Variants in SNED1 observed in about 807,000 individuals in gnomAD.
SNED1 encodes the protein sushi, nidogen and EGF like domains 1, also known as sushi, nidogen and EGF-like domain-containing protein 1.
SNED1 carries 81 observed loss-of-function variants against 166.7 expected under a neutral mutation model. The observed-to-expected ratio is 0.49, with a 90% CI of 0.41 to 0.58. The LOEUF is 0.58. Among genes scored for constraint, SNED1 ranks in the 20% least tolerant of loss-of-function variants. The pLI is 0.00. For missense variants in SNED1, 1,604 were observed against 2,000.2 expected, an observed-to-expected ratio of 0.80 and a Z score of 3.78; for synonymous variants, 762 against 822.0, an observed-to-expected ratio of 0.93 and a Z score of 1.25.
chr2:240,999,135 G>GGGCCCGGACT lies in SNED1; in HGVS notation c.213+85_213+86insGGCCCGGACT. The GGGCCCGGACT allele has an allele frequency of 1.3e-6, 1 of 793,840 alleles. No homozygotes were observed. The highest frequency in any genetic ancestry group is 1.7e-6 in the Non-Finnish European group (1 of 600,180). 49.2% of individuals were successfully genotyped at this position (793,840 alleles called of 1,614,324 possible). On this transcript the variant is annotated intron_variant, in intron 1 of 31. Coordinates refer to ENST00000310397, the MANE Select transcript of SNED1 (RefSeq NM_001080437.3). This position sits in a 1 kb window ranked among gnomAD's most constrained non-coding sequence, Gnocchi z 5.8. ...TGCCCGCCGGGCCCGGACTCCCGCC[G>GGGCCCGGACT]CCGCCGCCAGCCACTTGGCACCGGG... is the stretch of plus-strand genomic sequence containing the variant.
intron 1 of SNED1, chr2:241,010,212 G>A (rs1227232774): frequency 6.6e-6 from 1 of 152,180 alleles, no homozygotes; most frequent in African/African-American, 2.4e-5. Flanking sequence ...TTGGGTCCCT[G>A]GCTCCCCTCC....
At chr2:241,027,935 A>G (rs924420593) in intron 1 of SNED1, among the ~76,000 whole-genome samples, 6 of 151,924 alleles carry the variant, frequency 3.9e-5, no homozygotes, top group Non-Finnish European at 8.8e-5. Context: ...GGGTTTCACC[A>G]TGTTAGCCAG....
chr2:241,024,075 G>A (rs527355580), intron 1 of SNED1, among the ~76,000 whole-genome samples: 29 of 150,010 alleles, frequency 1.9e-4, no homozygotes, highest in Admixed American at 4.6e-4. Context: ...TAGTAGAAAC[G>A]AGGTTTCACC....
At position 241,087,385 on chromosome 2, in the gene SNED1, A is replaced by G. The variant is rs759617899; in HGVS notation, c.4122-7A>G. 1 of 1,590,434 alleles carries G rather than the reference A, an allele frequency of 6.3e-7. No homozygotes were observed. The highest frequency in any genetic ancestry group is 8.6e-7 in the Non-Finnish European group (1 of 1,168,560). On this transcript the variant is annotated splice_polypyrimidine_tract_variant and splice_region_variant and intron_variant, in intron 29 of 31. Coordinates refer to ENST00000310397, the MANE Select transcript of SNED1 (RefSeq NM_001080437.3). ...TCTGGTTTTACAAAGCTTTCTTGTG[A>G]CAACAGGTATAAAAGAGTCTACCGA...
intron 27 of SNED1, chr2:241,074,768 A>G (rs1475276425): frequency 6.6e-6 from 1 of 152,176 alleles, no homozygotes; most frequent in African/African-American, 2.4e-5. Flanking sequence ...GCTACCTTTT[A>G]TTTAGTTATT....
rs151167368 is a variant in SNED1 at position 241,022,694 on chromosome 2, T to C, written c.214-7590T>C. On this transcript the variant is annotated intron_variant, in intron 1 of 31. Transcript: ENST00000310397. The stretch of plus-strand genomic sequence containing the variant: ...CTGGAAGACTTCTCATTTCTCCTAA[T>C]ATGAGCTATGGTGGCCTTTGTCCTT... Among the ~76,000 whole-genome samples the C allele has an allele frequency of 4.0e-3, 611 of 152,316 alleles. 5 individuals carry two copies. Among genetic ancestry groups the C allele is most frequent in the African/African-American group, 0.014 (576 of 41,552 alleles).
Position 241,063,581 on chromosome 2 carries a change from G to C in SNED1, c.2372-6G>C, listed in dbSNP as rs775596293. On this transcript the variant is annotated splice_polypyrimidine_tract_variant and splice_region_variant and intron_variant, in intron 17 of 31. Coordinates refer to ENST00000310397, the MANE Select transcript of SNED1 (RefSeq NM_001080437.3). ...GCAACACCCTTGACACCCCTTCTCT[G>C]TGCAGAGAGGGATGAGTGCCGAGCT... The C allele has an allele frequency of 5.7e-6, 9 of 1,591,818 alleles. No homozygotes were observed. In the Admixed American group the frequency reaches 1.6e-4, roughly 27 times the overall value.
chr2:241,089,204 C>A, intron 31 of SNED1: 1 of 1,240,650 alleles, frequency 8.1e-7, no homozygotes, highest in Non-Finnish European at 1.1e-6. Flanking sequence ...TTTTTATCAA[C>A]ATGTCACTGC....
intron 31 of SNED1, chr2:241,090,567 A>G (rs2063884083): frequency 8.2e-7 from 1 of 1,216,834 alleles, no homozygotes. Flanking sequence ...AGGGCAGTGC[A>G]GTAGGTTTGT....
At position 241,036,821 on chromosome 2, in the gene SNED1, C is replaced by G. The variant is rs375000216; in HGVS notation, c.837C>G (p.Leu279=). The G allele has an allele frequency of 5.6e-6, 9 of 1,610,520 alleles. No individual in the cohort carries two copies. In the African/African-American group the frequency reaches 6.7e-5, roughly 12 times the overall value. Reference sequence around the variant, plus strand: ...TGTGCCTGGCCCTGCGCCCCTGCCTCAACGGCGGCAAGTGCATCGACGACT... The same window carrying G: ...TGTGCCTGGCCCTGCGCCCCTGCCTGAACGGCGGCAAGTGCATCGACGACT... ...TSVCLALRPC[L]NGGKCIDDCV... The change falls in exon 5 of 32, where the codon CTC becomes CTG. Residue 279 remains leucine (L), a synonymous_variant. Transcript: ENST00000310397.
At chr2:241,028,241 C>G (rs2061045249) in intron 1 of SNED1, among the ~76,000 whole-genome samples, 1 of 152,030 alleles carries the variant, frequency 6.6e-6, no homozygotes, top group Admixed American at 6.6e-5. Context: ...TTCAGGCTGC[C>G]TTTTTACTCT....
rs2064118563 is a variant in SNED1 at position 241,092,754 on chromosome 2, GATCTTAGAC to G, written c.*1122_*1130del. On this transcript the variant is annotated 3_prime_UTR_variant, in exon 32 of 32. Coordinates refer to ENST00000310397, the MANE Select transcript of SNED1 (RefSeq NM_001080437.3). The surrounding 1 kb of genome is among the most constrained non-coding windows in gnomAD (Gnocchi z 4.6). ...TTTTAGGCTATCAGGTAGTAAACACGATCTTAGACATCCCCATCTTTGTAAGCAGAACAG... is the reference window on the plus strand; with the variant it reads ...TTTTAGGCTATCAGGTAGTAAACACGATCCCCATCTTTGTAAGCAGAACAG... 1 of 152,202 alleles carries G rather than the reference GATCTTAGAC, an allele frequency of 6.6e-6. No individual in the cohort carries two copies. 9.4% of individuals were successfully genotyped at this position (152,202 alleles called of 1,614,324 possible).
intron 14 of SNED1, 55 bp downstream of exon 14, chr2:241,052,212 A>G: frequency 1.3e-6 from 2 of 1,521,638 alleles, no homozygotes; most frequent in Non-Finnish European, 9.1e-7. Context: ...CTCTCTGCAG[A>G]TGTGAAAACA....
chr2:241,009,486 A>T (rs2060320607), intron 1 of SNED1, among the ~76,000 whole-genome samples: 1 of 152,110 alleles, frequency 6.6e-6, no homozygotes, highest in African/African-American at 2.4e-5. Context: ...AACACAAGGA[A>T]GCAGAGGGGC....
chr2:241,000,317 C>G (rs2106519356), intron 1 of SNED1, among the ~76,000 whole-genome samples: 1 of 152,350 alleles, frequency 6.6e-6, no homozygotes, highest in South Asian at 2.1e-4. Flanking sequence ...AGGAAGGCCT[C>G]CCCACCTCGG....
At position 241,053,144 on chromosome 2, in the gene SNED1, G is replaced by A. The variant is rs2061934035; in HGVS notation, c.2084-9G>A. 6.2e-7 allele frequency: 1 copy of A among 1,606,998 alleles called. No homozygotes were observed. Among genetic ancestry groups the A allele is most frequent in the African/African-American group, 1.3e-5 (1 of 74,862 alleles). On this transcript the variant is annotated splice_polypyrimidine_tract_variant and intron_variant, in intron 15 of 31. Coordinates refer to ENST00000310397, the MANE Select transcript of SNED1 (RefSeq NM_001080437.3). ...AGGACCGTGCGAGACAGGCTGCCGT[G>A]CCTTGCAGAGGTGGACTGCGGCCCC...
rs1324823187 is a variant in SNED1, at chr2:241,092,481, A to G, written c.*845A>G. 4 of 152,174 alleles carry G rather than the reference A, an allele frequency of 2.6e-5. No individual in the cohort carries two copies. Among genetic ancestry groups the G allele is most frequent in the African/African-American group, 7.2e-5 (3 of 41,428 alleles). The allele number at this position is 152,174 out of a possible 1,614,324, so 9.4% of individuals were successfully genotyped here. A position where few individuals can be genotyped will look rare whatever the true frequency, so the allele number is the denominator to read the frequency against. ...GGCCTTATTTGGTGAACCCTGTTCT[A>G]TGAGATCACCTAGGCTTCAGCCTTA... On this transcript the variant is annotated 3_prime_UTR_variant, in exon 32 of 32. Coordinates refer to ENST00000310397, the MANE Select transcript of SNED1 (RefSeq NM_001080437.3). The surrounding 1 kb of genome is among the most constrained non-coding windows in gnomAD (Gnocchi z 4.6).
rs543175347 is a variant in SNED1 at position 240,998,652 on chromosome 2, T to C, written c.-186T>C. On this transcript the variant is annotated 5_prime_UTR_variant, in exon 1 of 32. Coordinates refer to ENST00000310397, the MANE Select transcript of SNED1 (RefSeq NM_001080437.3). ...CGCGGTCCCGCCCGGCGCTTTCCTC[T>C]GCGGAGCTGCGGCGAGAGCGCGGCC... Among the ~76,000 whole-genome samples the C allele has an allele frequency of 3.6e-4, 55 of 150,844 alleles. No homozygotes were observed. Among genetic ancestry groups the C allele is most frequent in the African/African-American group, 1.2e-3 (51 of 41,266 alleles).
In SNED1 at chr2:241,036,899, G is replaced by A. The variant is rs368331752; in HGVS notation, c.915G>A (p.Gly305=). 42 of 1,610,978 alleles carry A rather than the reference G, an allele frequency of 2.6e-5. No individual in the cohort carries two copies. The African/African-American group carries it at 3.2e-4, about 12-fold the overall frequency. The change falls in exon 5 of 32, where the codon GGG becomes GGA. Residue 305 remains glycine, a synonymous_variant. Coordinates refer to ENST00000310397, the MANE Select transcript of SNED1 (RefSeq NM_001080437.3). Reference sequence around the variant, plus strand: ...GCTCCTGCCTCTCGGGCTTCACGGGGCGGAGGTGCCACCTGGGTGAGTGAC... The same window carrying A: ...GCTCCTGCCTCTCGGGCTTCACGGGACGGAGGTGCCACCTGGGTGAGTGAC... ...YTCSCLSGFT[G]RRCHLDVNEC...
Sources: allele counts gnomAD v4.1 joint callset (sites outside exome capture counted in the v4.1 genomes callset), GRCh38; gene constraint gnomAD v4.1.1; non-coding constraint Gnocchi (gnomAD v3.1); transcripts MANE v1.5; gene names NCBI Gene and HGNC (gene_info 2026-07-23, HGNC 2026-07-21).